IL17RD: variants seen among roughly 807,000 people sequenced by gnomAD.
IL17RD encodes interleukin-17 receptor D.
Under a neutral mutation model 80.5 loss-of-function variants are expected in IL17RD, and 52 were observed. The ratio of observed to expected loss-of-function variants is 0.65; its 90% CI spans 0.52 to 0.81. The LOEUF (loss-of-function observed/expected upper bound fraction) is 0.81. Among genes scored for constraint, IL17RD ranks in the 40% least tolerant of loss-of-function variants. IL17RD has a pLI of 0.00. For synonymous variants in IL17RD, 416 were observed against 391.8 expected (o/e 1.06, Z -0.73); for missense variants, 1,024 against 955.1 (o/e 1.07, Z -0.95).
chr3:57,146,018 C>A (rs1223362373), intron 1 of IL17RD, among the ~76,000 whole-genome samples: 1 of 143,100 alleles, frequency 7.0e-6, no homozygotes, highest in Non-Finnish European at 1.5e-5. Flanking sequence ...AGCGTGCGCG[C>A]ACACACACAC....
intron 1 of IL17RD, among the ~76,000 whole-genome samples, chr3:57,163,802 A>AGGGGGGGGGGGGGGGGGGGGGGGGGGG (rs1559489790): frequency 1.4e-4 from 1 of 7,378 alleles, no homozygotes; most frequent in Non-Finnish European, 2.9e-4. Flanking sequence ...GCGGGGGGGG[A>AGGGGGGGGGGGGGGGGGGGGGGGGGGG]AGGGGGTGGC....
chr3:57,105,536 C>CAAAAAAAAAAA lies in IL17RD; in HGVS notation c.747+310_747+320dup, dbSNP rs745910085. The stretch of plus-strand genomic sequence containing the variant: ...TGGGCAACAGAGCAAGACTCCATCT[C>CAAAAAAAAAAA]AAAAAAAAAAAAAAAAATATATATA... On this transcript the variant is annotated intron_variant, in intron 7 of 12. Coordinates refer to ENST00000296318, the MANE Select transcript of IL17RD (RefSeq NM_017563.5). Among the ~76,000 whole-genome samples the CAAAAAAAAAAA allele has an allele frequency of 3.7e-4, 13 of 35,614 alleles. 1 individual carries two copies. Among genetic ancestry groups the CAAAAAAAAAAA allele is most frequent in the Non-Finnish European group, 5.3e-4 (9 of 16,934 alleles). The allele number at this position is 35,614 out of a possible 152,430, so 23.4% of individuals were successfully genotyped here.
At chr3:57,116,366 C>T (rs1400036858) in intron 2 of IL17RD, among the ~76,000 whole-genome samples, 1 of 149,896 alleles carries the variant, frequency 6.7e-6, no homozygotes, top group South Asian at 2.1e-4. Flanking sequence ...TCATGGCAAC[C>T]TCTGCCTCCT....
intron 5 of IL17RD, among the ~76,000 whole-genome samples, chr3:57,106,681 T>A (rs567929785): frequency 5.5e-4 from 84 of 152,192 alleles, no homozygotes; most frequent in Non-Finnish European, 1.0e-3. Flanking sequence ...GTGTCAGCAC[T>A]GAAAACCAGG....
chr3:57,145,721 C>T (rs1188584699), intron 1 of IL17RD, among the ~76,000 whole-genome samples: 1 of 152,070 alleles, frequency 6.6e-6, no homozygotes, highest in East Asian at 1.9e-4. Flanking sequence ...GTTCAAATCA[C>T]CTCAATAAAA....
At chr3:57,170,078 C>T (rs1051442577), upstream of IL17RD, among the ~76,000 whole-genome samples, 9 of 152,200 alleles carry the variant, frequency 5.9e-5, no homozygotes, top group African/African-American at 1.4e-4. Flanking sequence ...CTGTCTAGGA[C>T]GCCAAAAACA....
intron 8 of IL17RD, among the ~76,000 whole-genome samples, chr3:57,103,376 T>G (rs908802261): frequency 6.6e-5 from 10 of 152,216 alleles, no homozygotes; most frequent in Non-Finnish European, 1.0e-4. Flanking sequence ...TCATCATGTT[T>G]TCTTTTATTA....
At chr3:57,135,375 G>A (rs1452476632) in intron 1 of IL17RD, among the ~76,000 whole-genome samples, 1 of 152,204 alleles carries the variant, frequency 6.6e-6, no homozygotes, top group Non-Finnish European at 1.5e-5. Context: ...GCGAAGTGGT[G>A]GGATGCTCAA....
At chr3:57,139,048 T>C (rs1024470144) in intron 1 of IL17RD, among the ~76,000 whole-genome samples, 1 of 150,338 alleles carries the variant, frequency 6.7e-6, no homozygotes, top group Non-Finnish European at 1.5e-5. Flanking sequence ...CTTTTTACAA[T>C]ATCATATATT....
rs1051003311 is a variant in IL17RD at position 57,142,582 on chromosome 3, C to T, written c.127-22269G>A. On this transcript the variant is annotated intron_variant, in intron 1 of 12. Coordinates refer to ENST00000296318, the MANE Select transcript of IL17RD (RefSeq NM_017563.5). ...CAGGGAGATAGGGCCTGGCTGACCGCTGTGTTGGTGTCGCCAACCTGAGCC... is the reference window on the plus strand; with the variant it reads ...CAGGGAGATAGGGCCTGGCTGACCGTTGTGTTGGTGTCGCCAACCTGAGCC... The T allele has an allele frequency of 1.3e-5, 14 of 1,052,350 alleles. No homozygotes were observed. In the Admixed American group the frequency reaches 2.2e-4, roughly 16 times the overall value. The allele number at this position is 1,052,350 out of a possible 1,614,324, so 65.2% of individuals were successfully genotyped here.
intron 10 of IL17RD, 106 bp from the exon 11 acceptor site, chr3:57,101,469 G>A: frequency 1.4e-6 from 1 of 693,092 alleles, no homozygotes; most frequent in Non-Finnish European, 2.3e-6. Context: ...CGTCTACCTA[G>A]AGCAGTCCCA....
rs1031688936 is a variant in IL17RD at position 57,117,590 on chromosome 3, T to A, written c.184+2666A>T. Among the ~76,000 whole-genome samples the A allele has an allele frequency of 4.6e-5, 7 of 152,230 alleles. No individual in the cohort carries two copies. In the East Asian group the frequency reaches 1.3e-3, roughly 29 times the overall value. ...TGTATAACATTAAATGACAAAGGAA[T>A]AGAAAAATACGATTTTTAGTAATTT... On this transcript the variant is annotated intron_variant, in intron 2 of 12. Coordinates refer to ENST00000296318, the MANE Select transcript of IL17RD (RefSeq NM_017563.5).
chr3:57,093,545 G>A lies in IL17RD; in HGVS notation c.*2848C>T, dbSNP rs1706604617. 6.6e-6 allele frequency: 1 copy of A among 152,156 alleles called. No individual in the cohort carries two copies. The highest frequency in any genetic ancestry group is 1.5e-5 in the Non-Finnish European group (1 of 68,028). 9.4% of individuals were successfully genotyped at this position (152,156 alleles called of 1,614,324 possible). ...TGAAGGACAGTCTTCCTGCTTATTT[G>A]CACTCAAGATACTATTATTTGCTCA... On this transcript the variant is annotated 3_prime_UTR_variant, in exon 13 of 13. Transcript: ENST00000296318.
chr3:57,123,349 C>T (rs1461070352), intron 1 of IL17RD, among the ~76,000 whole-genome samples: 1 of 152,238 alleles, frequency 6.6e-6, no homozygotes, highest in African/African-American at 2.4e-5. Flanking sequence ...CAGATCATTC[C>T]TGATGTGACA....
At chr3:57,169,239 G>A (rs1185973089), upstream of IL17RD, 2 of 518,854 alleles carry the variant, frequency 3.9e-6, no homozygotes, top group African/African-American at 1.9e-5. Flanking sequence ...CACCTGCCAA[G>A]GCCAGGATTG....
At position 57,098,416 on chromosome 3, in the gene IL17RD, A is replaced by G. The variant is rs767905382; in HGVS notation, c.1287T>C (p.Phe429=). ...TGTGTTTGTAGTTCTTCTTGTCCACAAAGTACTTCATACCTTTGGAACAAA... is the reference window on the plus strand; with the variant it reads ...TGTGTTTGTAGTTCTTCTTGTCCACGAAGTACTTCATACCTTTGGAACAAA... ...IVVCSKGMKY[F]VDKKNYKHKG... is the part of the protein sequence containing the mutation. The change falls in exon 12 of 13, where the codon TTT becomes TTC. Residue 429 remains phenylalanine (F), a synonymous_variant. Transcript: ENST00000296318. 2 of 1,613,954 alleles carry G rather than the reference A, an allele frequency of 1.2e-6. No homozygotes were observed.
At chr3:57,152,860 T>C (rs2060237799) in intron 1 of IL17RD, among the ~76,000 whole-genome samples, 1 of 152,186 alleles carries the variant, frequency 6.6e-6, no homozygotes, top group East Asian at 1.9e-4. Flanking sequence ...TTACTGGAAA[T>C]AAAGTTCAAT....
In IL17RD at chr3:57,098,342, A is replaced by G. The variant is rs1186231117; in HGVS notation, c.1361T>C (p.Val454Ala). ...SGKGELFLVAVSAIAEKLRQA... is the reference protein window; with the variant it reads ...SGKGELFLVAASAIAEKLRQA... ...GCGGAGCTTTTCGGCAATGGCTGAC[A>G]CCGCCACCAGGAAGAGCTCTCCTTT... is the stretch of plus-strand genomic sequence containing the variant. The change falls in exon 12 of 13, where the codon GTG becomes GCG. Residue 454 changes from valine (V) to alanine (A), a missense_variant. By Grantham distance (64) the Val-to-Ala change is moderately conservative. Coordinates refer to ENST00000296318, the MANE Select transcript of IL17RD (RefSeq NM_017563.5). 1 of 1,613,890 alleles carries G rather than the reference A, an allele frequency of 6.2e-7. No individual in the cohort carries two copies.
chr3:57,119,949 A>C (rs1286955926), intron 2 of IL17RD, among the ~76,000 whole-genome samples: 1 of 152,172 alleles, frequency 6.6e-6, no homozygotes, highest in Admixed American at 6.5e-5. Context: ...AACTTTGTTT[A>C]TGTGTTCCTT....
Sources: allele counts gnomAD v4.1 joint callset (sites outside exome capture counted in the v4.1 genomes callset), GRCh38; gene constraint gnomAD v4.1.1; transcripts MANE v1.5; gene names NCBI Gene and HGNC (gene_info 2026-07-23, HGNC 2026-07-21).